Variants in MOB3B observed in about 807,000 individuals in gnomAD.
MOB3B encodes MOB kinase activator-like 2B.
Under a neutral mutation model 18.7 loss-of-function variants are expected in MOB3B, and 7 were observed. The observed-to-expected ratio is 0.37, with a 90% CI of 0.21 to 0.70. The LOEUF (loss-of-function observed/expected upper bound fraction) is 0.70, where lower values mean the gene tolerates loss of function less well. MOB3B is among the 30% of genes least tolerant of loss of function. The pLI is 0.52. For synonymous variants in MOB3B, 111 were observed against 99.9 expected, an observed-to-expected ratio of 1.11 and a Z score of -0.66; for missense variants, 253 against 281.3, an observed-to-expected ratio of 0.90 and a Z score of 0.72.
chr9:27,367,296 G>A (rs1164073334), intron 2 of MOB3B, among the ~76,000 whole-genome samples: 1 of 152,190 alleles, frequency 6.6e-6, no homozygotes, highest in Non-Finnish European at 1.5e-5. Context: ...CTTCTATTCT[G>A]CCAGGAAGCT....
chr9:27,378,494 A>C (rs1821523631), intron 2 of MOB3B: 1 of 471,036 alleles, frequency 2.1e-6, no homozygotes, highest in South Asian at 1.5e-5. Flanking sequence ...GCAAGGGCAA[A>C]AGCCAGGGTT....
chr9:27,469,651 A>G (rs1819440745), intron 1 of MOB3B, among the ~76,000 whole-genome samples: 1 of 152,228 alleles, frequency 6.6e-6, no homozygotes, highest in South Asian at 2.1e-4. Context: ...ACTGAAGTGA[A>G]TATTTAAAGG....
At chr9:27,418,100 A>AAAAAAAAAAAAAAAAAAAAG (rs1822182629) in intron 2 of MOB3B, among the ~76,000 whole-genome samples, 1 of 149,612 alleles carries the variant, frequency 6.7e-6, no homozygotes, top group Non-Finnish European at 1.5e-5. Flanking sequence ...TCAAAAAAAA[A>AAAAAAAAAAAAAAAAAAAAG]AAAAAAAAAA....
intron 3 of MOB3B, among the ~76,000 whole-genome samples, chr9:27,345,142 G>C (rs1208754849): frequency 6.6e-6 from 1 of 152,104 alleles, no homozygotes; most frequent in East Asian, 1.9e-4. Flanking sequence ...CACTGAAATG[G>C]TGCATATGCC....
In MOB3B at chr9:27,328,645, A is replaced by T. The variant is rs1587133947; in HGVS notation, c.*1942T>A. ...ACATATTCAACTTTTTAATGTAAAA[A>T]TCCTGTGGCGTTCCATGATGCACAG... On this transcript the variant is annotated 3_prime_UTR_variant, in exon 4 of 4. Transcript: ENST00000262244. 1 of 152,172 alleles carries T rather than the reference A, an allele frequency of 6.6e-6. No homozygotes were observed. The highest frequency in any genetic ancestry group is 1.5e-5 in the Non-Finnish European group (1 of 68,040). The allele number at this position is 152,172 out of a possible 1,614,324, so 9.4% of individuals were successfully genotyped here. A position where few individuals can be genotyped will look rare whatever the true frequency, so the allele number is the denominator to read the frequency against.
intron 2 of MOB3B, among the ~76,000 whole-genome samples, chr9:27,433,416 G>A (rs945631433): frequency 6.6e-6 from 1 of 152,162 alleles, no homozygotes; most frequent in Non-Finnish European, 1.5e-5. Flanking sequence ...AAGCCACATA[G>A]AGGTGAAACT....
intron 1 of MOB3B, among the ~76,000 whole-genome samples, chr9:27,481,520 G>GTTTTTTTTTTTTTTTTTTTTTTT (rs1224985717): frequency 1.1e-5 from 1 of 91,734 alleles, no homozygotes; most frequent in Non-Finnish European, 2.3e-5. Flanking sequence ...TGTTTTTTTT[G>GTTTTTTTTTTTTTTTTTTTTTTT]TTTTTTTTTT....
At chr9:27,416,094 A>G (rs966665776) in intron 2 of MOB3B, among the ~76,000 whole-genome samples, 2 of 152,186 alleles carry the variant, frequency 1.3e-5, no homozygotes, top group Admixed American at 6.5e-5. Context: ...GGTTAATACA[A>G]TTTCCTGATT....
chr9:27,466,457 A>C (rs1472484948), intron 1 of MOB3B, among the ~76,000 whole-genome samples: 3 of 152,206 alleles, frequency 2.0e-5, no homozygotes, highest in Admixed American at 6.5e-5. Context: ...ACATTGTTCC[A>C]ACCTCTGCCT....
At chr9:27,437,045 A>G (rs1822514983) in intron 2 of MOB3B, among the ~76,000 whole-genome samples, 1 of 152,024 alleles carries the variant, frequency 6.6e-6, no homozygotes. Flanking sequence ...AGCATAAAAA[A>G]GCCTAGGGTG....
At chr9:27,407,348 T>G (rs1333247258) in intron 2 of MOB3B, among the ~76,000 whole-genome samples, 1 of 152,236 alleles carries the variant, frequency 6.6e-6, no homozygotes, top group Non-Finnish European at 1.5e-5. Context: ...ACAGAAGTGT[T>G]ACCACAGAAT....
In MOB3B at chr9:27,368,353, T is replaced by C. The variant is rs74713894; in HGVS notation, c.419-9117A>G. The stretch of plus-strand genomic sequence containing the variant: ...ATACATATATATACACACACATACA[T>C]ACACACACACACACACACACACACA... On this transcript the variant is annotated intron_variant, in intron 2 of 3. Coordinates refer to ENST00000262244, the MANE Select transcript of MOB3B (RefSeq NM_024761.5). Among the ~76,000 whole-genome samples the C allele has an allele frequency of 1.7e-3, 255 of 145,952 alleles. 1 individual carries two copies. The highest frequency in any genetic ancestry group is 4.1e-3 in the African/African-American group (163 of 39,780).
At chr9:27,330,743 G>A in intron 3 of MOB3B, 127 bp from the exon 4 acceptor site, 1 of 1,379,660 alleles carries the variant, frequency 7.2e-7, no homozygotes, top group Non-Finnish European at 1.0e-6. Context: ...CATGGTCCAT[G>A]AATAAGGCTT....
chr9:27,475,835 T>C (rs963235051), intron 1 of MOB3B, among the ~76,000 whole-genome samples: 1 of 152,164 alleles, frequency 6.6e-6, no homozygotes, highest in Non-Finnish European at 1.5e-5. Context: ...ACTACTCTTG[T>C]CCACACCACC....
At chr9:27,352,495 C>T (rs948695596) in intron 3 of MOB3B, among the ~76,000 whole-genome samples, 4 of 152,104 alleles carry the variant, frequency 2.6e-5, no homozygotes, top group Admixed American at 6.5e-5. Context: ...AATGCTTGTG[C>T]GTCATGCACA....
chr9:27,461,981 T>G (rs555437335), intron 1 of MOB3B, among the ~76,000 whole-genome samples: 4 of 152,164 alleles, frequency 2.6e-5, no homozygotes, highest in African/African-American at 7.2e-5. Context: ...TTTTAAAAAA[T>G]GTTTTCTGAA....
intron 2 of MOB3B, among the ~76,000 whole-genome samples, chr9:27,453,725 C>T (rs577684917): frequency 9.7e-4 from 147 of 152,200 alleles, no homozygotes; most frequent in Non-Finnish European, 1.8e-3. Context: ...GGTATCCTTG[C>T]CTACATTTAT....
At chr9:27,369,157 AG>A (rs1438890390) in intron 2 of MOB3B, among the ~76,000 whole-genome samples, 6 of 152,186 alleles carry the variant, frequency 3.9e-5, no homozygotes, top group African/African-American at 1.2e-4. Flanking sequence ...CTGAGGTACC[AG>A]GAGTTTGATC....
intron 2 of MOB3B, among the ~76,000 whole-genome samples, chr9:27,433,036 T>A (rs1184379354): frequency 2.6e-5 from 4 of 152,058 alleles, no homozygotes; most frequent in African/African-American, 9.7e-5. Flanking sequence ...AAAATCAACA[T>A]CTTTATTTCA....
Sources: gnomAD v4.1 joint callset for allele counts (sites outside exome capture counted in the v4.1 genomes callset) on GRCh38, gnomAD v4.1.1 for gene constraint, MANE v1.5 for transcripts, NCBI Gene and HGNC (gene_info 2026-07-23, HGNC 2026-07-21) for gene names.